Variants in DOK6 observed in about 807,000 individuals in gnomAD.
The protein encoded by DOK6 is docking protein 6, also known as downstream of tyrosine kinase 6.
Under a neutral mutation model 44.0 loss-of-function variants are expected in DOK6, and 22 were observed. The ratio of observed to expected loss-of-function variants is 0.50; its 90% CI spans 0.36 to 0.71. DOK6 has a LOEUF of 0.71. DOK6 is among the 30% of genes least tolerant of loss of function. The pLI, the probability that DOK6 is intolerant of heterozygous loss-of-function variation, is 0.00. For synonymous variants in DOK6, 166 were observed against 145.5 expected (o/e 1.14, Z -1.01); for missense variants, 340 against 416.4 (o/e 0.82, Z 1.60).
intron 7 of DOK6, among the ~76,000 whole-genome samples, chr18:69,839,844 C>G (rs1982164156): frequency 6.6e-6 from 1 of 152,248 alleles, no homozygotes; most frequent in Admixed American, 6.5e-5. Context: ...AAAAGCCCCT[C>G]TTCTCTTTGA....
At chr18:69,806,740 G>T (rs991768045) in intron 7 of DOK6, among the ~76,000 whole-genome samples, 1 of 151,786 alleles carries the variant, frequency 6.6e-6, no homozygotes, top group Non-Finnish European at 1.5e-5. Flanking sequence ...CACACCACTG[G>T]GCAGGTTATA....
At chr18:69,523,660 T>C (rs1277607305) in intron 1 of DOK6, among the ~76,000 whole-genome samples, 1 of 151,514 alleles carries the variant, frequency 6.6e-6, no homozygotes, top group African/African-American at 2.4e-5. Flanking sequence ...AAGAAACAAT[T>C]TTTTTTTTCT....
At chr18:69,735,525 G>A (rs1978576287) in intron 5 of DOK6, among the ~76,000 whole-genome samples, 1 of 152,254 alleles carries the variant, frequency 6.6e-6, no homozygotes, top group African/African-American at 2.4e-5. Context: ...GTTGCATGGG[G>A]ACACCCTTAA....
chr18:69,495,956 G>A (rs114758529), intron 1 of DOK6, among the ~76,000 whole-genome samples: 365 of 152,326 alleles, frequency 2.4e-3, no homozygotes, highest in African/African-American at 8.2e-3. Flanking sequence ...AGCGGGTGCC[G>A]GGAATGGAGA....
At chr18:69,570,907 CAA>C (rs1223994374) in intron 2 of DOK6, among the ~76,000 whole-genome samples, 1 of 151,984 alleles carries the variant, frequency 6.6e-6, no homozygotes, top group African/African-American at 2.4e-5. Flanking sequence ...ATCTATACTC[CAA>C]AAGTGTTGAA....
At chr18:69,578,985 AC>A (rs1949799629) in intron 2 of DOK6, among the ~76,000 whole-genome samples, 1 of 152,210 alleles carries the variant, frequency 6.6e-6, no homozygotes, top group African/African-American at 2.4e-5. Flanking sequence ...TTAGTAAAAA[AC>A]AACAGTACAC....
At chr18:69,580,191 G>A (rs1264107839) in intron 2 of DOK6, among the ~76,000 whole-genome samples, 2 of 152,100 alleles carry the variant, frequency 1.3e-5, no homozygotes, top group East Asian at 3.8e-4. Context: ...CAAGGTGTCA[G>A]GTGGACTGGG....
In DOK6 at chr18:69,676,503, A is replaced by G. The variant is rs527265885; in HGVS notation, c.290-1231A>G. ...GATAACTTTTCATGGGGCATTTAAA[A>G]TGCCAAGACAAAGGGTGAGGTGTCA... On this transcript the variant is annotated intron_variant, in intron 3 of 7. Transcript: ENST00000382713. Among the ~76,000 whole-genome samples, 679 of 152,338 alleles carry G rather than the reference A, an allele frequency of 4.5e-3. 6 individuals are homozygous for G. The highest frequency in any genetic ancestry group is 0.016 in the African/African-American group (651 of 41,568).
At position 69,537,218 on chromosome 18, in the gene DOK6, T is replaced by C. The variant is rs988710003; in HGVS notation, c.67-27269T>C. Reference sequence around the variant, plus strand: ...TCCACTTTGATTTTATAAAGACTTTTGAACCTTGAGCTCACTTCTGCCTTC... The same window carrying C: ...TCCACTTTGATTTTATAAAGACTTTCGAACCTTGAGCTCACTTCTGCCTTC... On this transcript the variant is annotated intron_variant, in intron 1 of 7. Transcript: ENST00000382713. Among the ~76,000 whole-genome samples the C allele has an allele frequency of 7.2e-5, 11 of 152,284 alleles. 1 individual carries two copies. Among genetic ancestry groups the C allele is most frequent in the South Asian group, 6.2e-4 (3 of 4,830 alleles).
intron 5 of DOK6, among the ~76,000 whole-genome samples, chr18:69,714,784 T>A (rs1986844452): frequency 6.6e-6 from 1 of 152,200 alleles, no homozygotes; most frequent in Non-Finnish European, 1.5e-5. Context: ...CATAAAAGTA[T>A]TTTTCATCTA....
chr18:69,438,544 C>T (rs55946500), intron 1 of DOK6, among the ~76,000 whole-genome samples: 2 of 152,118 alleles, frequency 1.3e-5, no homozygotes, highest in Non-Finnish European at 2.9e-5. Flanking sequence ...TTTCAAACTC[C>T]CTGTTAATGT....
chr18:69,684,095 G>T (rs1336782600), intron 4 of DOK6, among the ~76,000 whole-genome samples: 1 of 152,148 alleles, frequency 6.6e-6, no homozygotes, highest in Non-Finnish European at 1.5e-5. Context: ...GTCTTGAATG[G>T]ACCGTAGCAA....
intron 1 of DOK6, among the ~76,000 whole-genome samples, chr18:69,552,201 T>C (rs1254864851): frequency 1.3e-5 from 2 of 152,144 alleles, no homozygotes; most frequent in Non-Finnish European, 2.9e-5. Context: ...TACTTAGGGA[T>C]TTTTATATAT....
intron 2 of DOK6, among the ~76,000 whole-genome samples, chr18:69,590,329 CT>C (rs1983595078): frequency 6.6e-6 from 1 of 152,132 alleles, no homozygotes; most frequent in Non-Finnish European, 1.5e-5. Flanking sequence ...GAGAAAAGGT[CT>C]GTCCAGGAAT....
At position 69,846,373 on chromosome 18, in the gene DOK6, C is replaced by T. The variant is rs1359722848; in HGVS notation, c.*4990C>T. The T allele has an allele frequency of 1.3e-5, 2 of 152,200 alleles. No individual in the cohort carries two copies. Among genetic ancestry groups the T allele is most frequent in the Admixed American group, 1.3e-4 (2 of 15,278 alleles). 9.4% of individuals were successfully genotyped at this position (152,200 alleles called of 1,614,324 possible). Reference sequence around the variant, plus strand: ...CTGATCTAGGAATGTTTCCTTGGCTCCATGGCATCTCCCAGTTTGACATAG... The same window carrying T: ...CTGATCTAGGAATGTTTCCTTGGCTTCATGGCATCTCCCAGTTTGACATAG... On this transcript the variant is annotated 3_prime_UTR_variant, in exon 8 of 8. Coordinates refer to ENST00000382713, the MANE Select transcript of DOK6 (RefSeq NM_152721.6).
chr18:69,588,236 T>C (rs1204272237), intron 2 of DOK6, among the ~76,000 whole-genome samples: 1 of 152,208 alleles, frequency 6.6e-6, no homozygotes, highest in Non-Finnish European at 1.5e-5. Context: ...AGTTAGAAAT[T>C]TTAGGGACTG....
intron 1 of DOK6, among the ~76,000 whole-genome samples, chr18:69,401,673 C>T (rs561724471): frequency 1.3e-5 from 2 of 152,312 alleles, no homozygotes; most frequent in South Asian, 4.1e-4. Flanking sequence ...GTGCGCCTTT[C>T]GGGTGGAACT....
At chr18:69,813,023 A>G (rs1340982145) in intron 7 of DOK6, among the ~76,000 whole-genome samples, 1 of 152,148 alleles carries the variant, frequency 6.6e-6, no homozygotes, top group Non-Finnish European at 1.5e-5. Flanking sequence ...AAATTGCAAG[A>G]TACCAGTATA....
chr18:69,829,800 G>A (rs1431561458), intron 7 of DOK6, among the ~76,000 whole-genome samples: 5 of 151,352 alleles, frequency 3.3e-5, no homozygotes, highest in Admixed American at 1.3e-4. Flanking sequence ...ACAAAACAAT[G>A]AGATGTAGTT....
Sources: gnomAD v4.1 joint callset for allele counts (sites outside exome capture counted in the v4.1 genomes callset) on GRCh38, gnomAD v4.1.1 for gene constraint, MANE v1.5 for transcripts, NCBI Gene and HGNC (gene_info 2026-07-23, HGNC 2026-07-21) for gene names.